SPACA7: variants seen among roughly 807,000 people sequenced by gnomAD.
The protein encoded by SPACA7 is sperm acrosome associated 7.
In SPACA7, 19 loss-of-function variants were observed where a neutral mutation model predicts 26.3. The ratio of observed to expected loss-of-function variants is 0.72; its 90% CI spans 0.50 to 1.06. The LOEUF (loss-of-function observed/expected upper bound fraction) is 1.06. Among genes scored for constraint, SPACA7 ranks in the 50% least tolerant of loss-of-function variants. SPACA7 has a pLI of 0.00. For missense variants in SPACA7, 211 were observed against 229.9 expected (o/e 0.92, Z 0.53); for synonymous variants, 84 against 84.5 (o/e 0.99, Z 0.04).
chr13:112,396,067 C>T (rs63741061), intron 2 of SPACA7, among the ~76,000 whole-genome samples: 44,519 of 130,732 alleles, frequency 0.34, 11,720 homozygotes, highest in South Asian at 0.5. Context: ...CGAGCAGGAA[C>T]GCGCCTCCTC....
At chr13:112,405,869 C>A (rs1163095440) in intron 5 of SPACA7, among the ~76,000 whole-genome samples, 3 of 152,062 alleles carry the variant, frequency 2.0e-5, no homozygotes, top group African/African-American at 7.2e-5. Context: ...AATATTATAT[C>A]TTCGTTGTGA....
rs1462066214 is a variant in SPACA7, at chr13:112,383,111, AAAAGAAAAG to A, written c.94+6636_94+6644del. Among the ~76,000 whole-genome samples the A allele has an allele frequency of 1.7e-4, 13 of 78,248 alleles. No individual in the cohort carries two copies. The South Asian group carries it at 3.6e-3, about 22-fold the overall frequency. 51.3% of individuals were successfully genotyped at this position (78,248 alleles called of 152,430 possible). A position where few individuals can be genotyped will look rare whatever the true frequency, so the allele number is the denominator to read the frequency against. On this transcript the variant is annotated intron_variant, in intron 1 of 6. Transcript: ENST00000283550. The stretch of plus-strand genomic sequence containing the variant: ...GAAAGAAAGAAAGAAGAAAGAAAAG[AAAAGAAAAG>A]AAAAGAAAGAAAGAAAGAAAGAAAG...
intron 1 of SPACA7, among the ~76,000 whole-genome samples, chr13:112,384,244 G>T (rs375675111): frequency 2.0e-5 from 3 of 152,036 alleles, no homozygotes; most frequent in Non-Finnish European, 4.4e-5. Flanking sequence ...GATGACAAAA[G>T]AATTAGTATA....
At chr13:112,433,198 G>T (rs1877351707) in intron 6 of SPACA7, among the ~76,000 whole-genome samples, 1 of 146,736 alleles carries the variant, frequency 6.8e-6, no homozygotes, top group Non-Finnish European at 1.5e-5. Flanking sequence ...CGCAGCCTGA[G>T]ACCCTCCATC....
At chr13:112,378,368 G>A (rs1883828073) in intron 1 of SPACA7, among the ~76,000 whole-genome samples, 1 of 152,132 alleles carries the variant, frequency 6.6e-6, no homozygotes, top group Non-Finnish European at 1.5e-5. Flanking sequence ...TGGCTCTATG[G>A]TCACCCTCTT....
At chr13:112,423,464 A>T (rs1017104112) in intron 5 of SPACA7, among the ~76,000 whole-genome samples, 1 of 152,242 alleles carries the variant, frequency 6.6e-6, no homozygotes, top group Non-Finnish European at 1.5e-5. Context: ...GAAACAAAAA[A>T]GTCATTAAAA....
At chr13:112,398,376 G>C (rs1203574846) in intron 3 of SPACA7, among the ~76,000 whole-genome samples, 2 of 151,984 alleles carry the variant, frequency 1.3e-5, no homozygotes, top group East Asian at 1.9e-4. Context: ...GATCTCTGGA[G>C]TGCGTGTTCA....
At chr13:112,377,967 G>T (rs1883800676) in intron 1 of SPACA7, among the ~76,000 whole-genome samples, 2 of 152,282 alleles carry the variant, frequency 1.3e-5, no homozygotes, top group Middle Eastern at 3.4e-3. Flanking sequence ...TGGGCTCAAG[G>T]TATCTTCAGC....
intron 5 of SPACA7, among the ~76,000 whole-genome samples, chr13:112,413,611 C>A (rs1886494239): frequency 6.6e-6 from 1 of 152,076 alleles, no homozygotes; most frequent in African/African-American, 2.4e-5. Context: ...TCTTGTACCT[C>A]AGTATTCCTA....
chr13:112,408,491 T>C (rs1220323371), intron 5 of SPACA7, among the ~76,000 whole-genome samples: 4 of 151,902 alleles, frequency 2.6e-5, no homozygotes, highest in Non-Finnish European at 4.4e-5. Context: ...GCCCAAAATC[T>C]CCTTAAGCTG....
chr13:112,381,422 G>C (rs1223222440), intron 1 of SPACA7, among the ~76,000 whole-genome samples: 1 of 151,648 alleles, frequency 6.6e-6, no homozygotes, highest in Non-Finnish European at 1.5e-5. Context: ...GAGCCCAAGA[G>C]GTCGAGGCTG....
chr13:112,423,623 G>A (rs1346936750), intron 5 of SPACA7, among the ~76,000 whole-genome samples: 1 of 152,226 alleles, frequency 6.6e-6, no homozygotes, highest in Admixed American at 6.5e-5. Flanking sequence ...AGGGAATGGA[G>A]AGTGAGCAAG....
At chr13:112,402,531 G>T (rs1286321636) in intron 5 of SPACA7, among the ~76,000 whole-genome samples, 1 of 152,064 alleles carries the variant, frequency 6.6e-6, no homozygotes, top group Non-Finnish European at 1.5e-5. Flanking sequence ...GATGTCCCTT[G>T]CCTAATTGCA....
intron 1 of SPACA7, chr13:112,382,224 G>GT: frequency 1.9e-6 from 1 of 514,624 alleles, no homozygotes; most frequent in Non-Finnish European, 3.4e-6. Context: ...CTCCCTTTGG[G>GT]TTTTATAGCA....
intron 2 of SPACA7, among the ~76,000 whole-genome samples, chr13:112,394,922 C>T (rs1885139725): frequency 6.6e-6 from 1 of 152,188 alleles, no homozygotes. Context: ...CAGCTCTTAC[C>T]CCCATCCACA....
At chr13:112,419,964 C>T (rs769803909) in intron 5 of SPACA7, among the ~76,000 whole-genome samples, 9 of 152,218 alleles carry the variant, frequency 5.9e-5, no homozygotes, top group Non-Finnish European at 1.0e-4. Context: ...CTAGCTCATA[C>T]TGTGAACACA....
At chr13:112,430,138 A>G (rs1459015396) in intron 5 of SPACA7, among the ~76,000 whole-genome samples, 1 of 149,914 alleles carries the variant, frequency 6.7e-6, no homozygotes, top group African/African-American at 2.5e-5. Context: ...GCCAGTAATC[A>G]GCTGAAGGCT....
chr13:112,400,058 A>G (rs959264647), intron 4 of SPACA7, among the ~76,000 whole-genome samples: 1 of 152,162 alleles, frequency 6.6e-6, no homozygotes, highest in Non-Finnish European at 1.5e-5. Context: ...ACATTTAGAC[A>G]TGAGATTTGG....
rs923171158 is a variant in SPACA7, at chr13:112,376,479, G to T, written c.94G>T (p.Gly32Cys). The change falls in exon 1 of 7, where the codon GGT (glycine) becomes TGT (cysteine). Residue 32 changes from glycine (G) to cysteine (C), a missense_variant and splice_region_variant. By Grantham distance (159) the Gly-to-Cys change is radical. Coordinates refer to ENST00000283550, the MANE Select transcript of SPACA7 (RefSeq NM_145248.5). The stretch of plus-strand genomic sequence containing the variant: ...GCTCCGGCCGAGAACCGTGATTCCA[G>T]GTAGGGCCCCACAGGGATGTCTCAG... ...TELRPRTVIPGSPTEIPFSSK... is the reference protein window; with the variant it reads ...TELRPRTVIPCSPTEIPFSSK... 6.2e-7 allele frequency: 1 copy of T among 1,612,266 alleles called. No homozygotes were observed. Among genetic ancestry groups the T allele is most frequent in the Non-Finnish European group, 8.5e-7 (1 of 1,179,196 alleles).
Sources: gnomAD v4.1 joint callset for allele counts (sites outside exome capture counted in the v4.1 genomes callset) on GRCh38, gnomAD v4.1.1 for gene constraint, MANE v1.5 for transcripts, NCBI Gene and HGNC (gene_info 2026-07-23, HGNC 2026-07-21) for gene names.